Variants in BNC2 observed in about 807,000 individuals in gnomAD.
BNC2 encodes zinc finger protein basonuclin-2.
A neutral mutation model predicts 76.3 loss-of-function variants in BNC2; 20 were observed. That is an observed-to-expected ratio of 0.26 (90% CI 0.18 to 0.38). The LOEUF (loss-of-function observed/expected upper bound fraction) is 0.38, where lower values mean the gene tolerates loss of function less well. BNC2 is among the 10% of genes least tolerant of loss of function. BNC2 has a pLI of 1.00. For synonymous variants in BNC2, 582 were observed against 514.8 expected, an observed-to-expected ratio of 1.13 and a Z score of -1.77; for missense variants, 1,382 against 1,399.8, an observed-to-expected ratio of 0.99 and a Z score of 0.20.
intron 3 of BNC2, among the ~76,000 whole-genome samples, chr9:16,700,314 C>T (rs547899613): frequency 2.0e-5 from 3 of 151,476 alleles, no homozygotes; most frequent in East Asian, 2.0e-4. Context: ...TTTGGGAAGC[C>T]GAGGGAGGAG....
intron 4 of BNC2, among the ~76,000 whole-genome samples, chr9:16,553,308 T>C (rs1398896423): frequency 6.6e-6 from 1 of 152,132 alleles, no homozygotes; most frequent in East Asian, 1.9e-4. Context: ...TTGGAGGGAA[T>C]AAGGAAAGCT....
At chr9:16,484,103 G>A (rs1413240576) in intron 5 of BNC2, among the ~76,000 whole-genome samples, 1 of 152,096 alleles carries the variant, frequency 6.6e-6, no homozygotes, top group Admixed American at 6.6e-5. Flanking sequence ...GTGGTGTCAT[G>A]TCCCCTCCAA....
At chr9:16,476,433 T>TC (rs565533742) in intron 5 of BNC2, among the ~76,000 whole-genome samples, 123 of 152,174 alleles carry the variant, frequency 8.1e-4, no homozygotes, top group African/African-American at 2.7e-3. Flanking sequence ...ATCTCACCCC[T>TC]CATCATCACC....
At chr9:16,533,691 TAAAAC>T (rs1587140286) in intron 5 of BNC2, among the ~76,000 whole-genome samples, 1 of 152,190 alleles carries the variant, frequency 6.6e-6, no homozygotes, top group Non-Finnish European at 1.5e-5. Context: ...TTTATAAACT[TAAAAC>T]AAACATTACA....
chr9:16,677,528 G>A lies in BNC2; in HGVS notation c.330+50269C>T, dbSNP rs978967692. Among the ~76,000 whole-genome samples, 7 of 151,368 alleles carry A rather than the reference G, an allele frequency of 4.6e-5. 1 individual carries two copies. The highest frequency in any genetic ancestry group is 3.9e-4 in the East Asian group (2 of 5,134). Reference sequence around the variant, plus strand: ...GTGGAGGTTGCAGTGAGCCAAGATCGCGCCACTGCACTCCAGCCCGGGGGA... The same window carrying A: ...GTGGAGGTTGCAGTGAGCCAAGATCACGCCACTGCACTCCAGCCCGGGGGA... On this transcript the variant is annotated intron_variant, in intron 3 of 6. Coordinates refer to ENST00000380672, the MANE Select transcript of BNC2 (RefSeq NM_017637.6).
chr9:16,607,447 C>T (rs1336781626), intron 3 of BNC2, among the ~76,000 whole-genome samples: 1 of 152,068 alleles, frequency 6.6e-6, no homozygotes, highest in Non-Finnish European at 1.5e-5. Flanking sequence ...CTCAGTGGTC[C>T]TTTAGGCAGG....
intron 3 of BNC2, among the ~76,000 whole-genome samples, chr9:16,640,270 G>C (rs1457416109): frequency 2.0e-5 from 3 of 152,162 alleles, no homozygotes; most frequent in African/African-American, 7.2e-5. Context: ...AATATTCAGA[G>C]AGGGTCTCAA....
rs72709906 is a variant in BNC2, at chr9:16,757,139, A to G, written c.4-18654T>C. On this transcript the variant is annotated intron_variant, in intron 1 of 6. Coordinates refer to ENST00000380672, the MANE Select transcript of BNC2 (RefSeq NM_017637.6). The stretch of plus-strand genomic sequence containing the variant: ...CAGGGCTCTTTGAACCTATATCCCC[A>G]GTGCCTAGTACAGACAGACTCAATA... Among the ~76,000 whole-genome samples the G allele has an allele frequency of 8.7e-4, 132 of 152,320 alleles. 3 individuals are homozygous for G. In the East Asian group the frequency reaches 0.017, roughly 20 times the overall value.
intron 1 of BNC2, among the ~76,000 whole-genome samples, chr9:16,791,342 T>C (rs1001170825): frequency 6.6e-6 from 1 of 152,206 alleles, no homozygotes; most frequent in East Asian, 1.9e-4. Context: ...ATTACAGGCA[T>C]GAGCCACCGC....
At chr9:16,500,473 A>T (rs538650886) in intron 5 of BNC2, among the ~76,000 whole-genome samples, 2 of 152,326 alleles carry the variant, frequency 1.3e-5, no homozygotes, top group South Asian at 4.1e-4. Flanking sequence ...AACCCAAAAC[A>T]CATAAATAAA....
At chr9:16,558,705 C>T (rs933549388) in intron 4 of BNC2, among the ~76,000 whole-genome samples, 9 of 151,840 alleles carry the variant, frequency 5.9e-5, no homozygotes, top group Non-Finnish European at 1.0e-4. Context: ...TTGAGGCGGG[C>T]GGATCATGAG....
intron 3 of BNC2, among the ~76,000 whole-genome samples, chr9:16,680,916 T>C (rs900713816): frequency 9.2e-5 from 14 of 152,214 alleles, no homozygotes; most frequent in Admixed American, 7.2e-4. Context: ...ATTTCGACAA[T>C]GGACACAAAC....
intron 1 of BNC2, among the ~76,000 whole-genome samples, chr9:16,742,184 C>T (rs1376634977): frequency 1.3e-5 from 2 of 152,162 alleles, no homozygotes; most frequent in Non-Finnish European, 2.9e-5. Flanking sequence ...GAATTTATTT[C>T]TGGCTAGGAA....
chr9:16,566,160 T>C (rs1269941855), intron 4 of BNC2, among the ~76,000 whole-genome samples: 1 of 152,200 alleles, frequency 6.6e-6, no homozygotes, highest in East Asian at 1.9e-4. Flanking sequence ...AAATGGACTC[T>C]ACCATTTCCT....
chr9:16,847,185 C>G (rs1356613623), intron 1 of BNC2, among the ~76,000 whole-genome samples: 1 of 152,036 alleles, frequency 6.6e-6, no homozygotes, highest in Non-Finnish European at 1.5e-5. Flanking sequence ...TTAGTTATGA[C>G]ACTAGGACAG....
At chr9:16,755,937 C>G (rs909502500) in intron 1 of BNC2, among the ~76,000 whole-genome samples, 1 of 152,140 alleles carries the variant, frequency 6.6e-6, no homozygotes, top group South Asian at 2.1e-4. Context: ...ATAAATCTCT[C>G]TAAGGATTAA....
At chr9:16,729,716 C>G (rs182903723) in intron 2 of BNC2, among the ~76,000 whole-genome samples, 8 of 152,092 alleles carry the variant, frequency 5.3e-5, no homozygotes, top group Non-Finnish European at 7.4e-5. Context: ...AAATCCCCTA[C>G]GAGTCAATTG....
intron 1 of BNC2, among the ~76,000 whole-genome samples, chr9:16,757,337 A>C (rs1441541215): frequency 1.3e-5 from 2 of 152,204 alleles, no homozygotes; most frequent in East Asian, 3.9e-4. Context: ...ACTAAATAGG[A>C]AACGATTATC....
At chr9:16,869,306 C>G (rs1299957339) in intron 1 of BNC2, among the ~76,000 whole-genome samples, 1 of 152,184 alleles carries the variant, frequency 6.6e-6, no homozygotes, top group African/African-American at 2.4e-5. Context: ...AGTTTTACAA[C>G]AGCTTGACTC....
Sources: allele counts gnomAD v4.1 joint callset (sites outside exome capture counted in the v4.1 genomes callset), GRCh38; gene constraint gnomAD v4.1.1; transcripts MANE v1.5; gene names NCBI Gene and HGNC (gene_info 2026-07-23, HGNC 2026-07-21).